HMCN2: variants seen among roughly 807,000 people sequenced by gnomAD.
HMCN2 encodes the protein hemicentin-2.
In HMCN2, 325 loss-of-function variants were observed where a neutral mutation model predicts 377.5. The observed-to-expected ratio is 0.86, with a 90% CI of 0.79 to 0.94. The LOEUF is 0.94. HMCN2 is among the 40% of genes least tolerant of loss of function. The pLI is 0.00. For synonymous variants in HMCN2, 2,007 were observed against 2,046.8 expected (o/e 0.98, Z 0.53); for missense variants, 4,543 against 4,725.3 (o/e 0.96, Z 1.13).
At chr9:130,407,177 G>A (rs895193012) in intron 82 of HMCN2, 9 of 164,142 alleles carry the variant, frequency 5.5e-5, no homozygotes, top group Non-Finnish European at 9.3e-5. Flanking sequence ...TTGAACCTGG[G>A]AGGTGGAGGT....
intron 22 of HMCN2, among the ~76,000 whole-genome samples, chr9:130,330,090 T>C (rs879088531): frequency 0.47 from 70,325 of 150,526 alleles, 17,780 homozygotes; most frequent in African/African-American, 0.68. Flanking sequence ...TCTCCAAGGA[T>C]GTCCCCAGGC....
At chr9:130,297,405 AGC>A (rs1836230777) in intron 7 of HMCN2, among the ~76,000 whole-genome samples, 1 of 152,238 alleles carries the variant, frequency 6.6e-6, no homozygotes, top group African/African-American at 2.4e-5. Flanking sequence ...TGCTGGGAGA[AGC>A]CTGGGCACCG....
At chr9:130,387,777 T>G (rs545323351) in intron 61 of HMCN2, among the ~76,000 whole-genome samples, 1 of 152,086 alleles carries the variant, frequency 6.6e-6, no homozygotes, top group African/African-American at 2.4e-5. Context: ...AACACAATCG[T>G]TGAAAAGGAC....
intron 62 of HMCN2, among the ~76,000 whole-genome samples, chr9:130,388,992 C>G (rs1013398618): frequency 6.6e-6 from 1 of 152,210 alleles, no homozygotes; most frequent in Non-Finnish European, 1.5e-5. Context: ...CTGTGCCCAC[C>G]GTTCCTCCGC....
Position 130,360,367 on chromosome 9 carries a change from T to C in HMCN2, c.5774-61T>C. ...TCTCTTCCTTTCCCCCTTACTTCTC[T>C]CTTCCATTCCCCCTTGCTTCTCTCT... On this transcript the variant is annotated intron_variant, in intron 37 of 97. Coordinates refer to ENST00000683500, the MANE Select transcript of HMCN2 (RefSeq NM_001291815.2). The surrounding 1 kb of genome is among the most constrained non-coding windows in gnomAD (Gnocchi z 4.7). 1 of 1,001,220 alleles carries C rather than the reference T, an allele frequency of 1.0e-6. No homozygotes were observed. 62.0% of individuals were successfully genotyped at this position (1,001,220 alleles called of 1,614,324 possible).
chr9:130,339,241 C>T (rs1039870819), intron 23 of HMCN2, among the ~76,000 whole-genome samples: 7 of 152,212 alleles, frequency 4.6e-5, no homozygotes, highest in Admixed American at 3.3e-4. Context: ...TATTGGAACA[C>T]GCCCACGCAT....
chr9:130,301,182 G>C (rs4836700), intron 8 of HMCN2, among the ~76,000 whole-genome samples: 35,651 of 152,146 alleles, frequency 0.23, 4,996 homozygotes, highest in East Asian at 0.47. Context: ...AGGAGAGCTG[G>C]AGACCTCTTC....
chr9:130,430,616 C>A lies in HMCN2; in HGVS notation c.14647+12C>A, dbSNP rs1404900423. ...CGGAGTCTGCACAGGTAAGGCCAGG[C>A]CCTGACCATCCACGGGACACTGCCG... On this transcript the variant is annotated intron_variant, in intron 95 of 97. Transcript: ENST00000683500. The A allele has an allele frequency of 1.5e-5, 23 of 1,538,494 alleles. No homozygotes were observed. Among genetic ancestry groups the A allele is most frequent in the Non-Finnish European group, 2.0e-5 (23 of 1,138,672 alleles).
intron 19 of HMCN2, among the ~76,000 whole-genome samples, chr9:130,324,867 C>T (rs1272438208): frequency 3.3e-5 from 5 of 152,150 alleles, no homozygotes; most frequent in South Asian, 4.2e-4. Flanking sequence ...TCTGGTGATC[C>T]GCCCACCTTG....
rs1312927540 is a variant in HMCN2, at chr9:130,357,816, G to C, written c.5426-18G>C. 7.7e-7 allele frequency: 1 copy of C among 1,298,958 alleles called. No homozygotes were observed. Among genetic ancestry groups the C allele is most frequent in the East Asian group, 5.6e-5 (1 of 17,898 alleles). The allele number at this position is 1,298,958 out of a possible 1,614,324, so 80.5% of individuals were successfully genotyped here. A position where few individuals can be genotyped will look rare whatever the true frequency, so the allele number is the denominator to read the frequency against. ...CCTGATTCTGACTCGGGCTCTTCCT[G>C]ACTCTTTCCCTTCCCAGAGTTCCCA... On this transcript the variant is annotated intron_variant, in intron 34 of 97. Transcript: ENST00000683500.
At position 130,403,262 on chromosome 9, in the gene HMCN2, T is replaced by C. The variant is rs1294433514; in HGVS notation, c.11947T>C (p.Cys3983Arg). 2 of 1,289,782 alleles carry C rather than the reference T, an allele frequency of 1.6e-6. No individual in the cohort carries two copies. The highest frequency in any genetic ancestry group is 1.5e-5 in the African/African-American group (1 of 65,976). 79.9% of individuals were successfully genotyped at this position (1,289,782 alleles called of 1,614,324 possible). ...AVAEEEVLLPCEASGIPRPTI... is the reference protein window; with the variant it reads ...AVAEEEVLLPREASGIPRPTI... ...GGCAGAGGAGGAGGTGCTGCTGCCCTGCGAGGCCTCAGGCATCCCCCGGCC... is the reference window on the plus strand; with the variant it reads ...GGCAGAGGAGGAGGTGCTGCTGCCCCGCGAGGCCTCAGGCATCCCCCGGCC... Residue 3983 changes from cysteine to arginine, a missense_variant, in exon 79 of 98, where the codon TGC (cysteine) becomes CGC (arginine). Around this residue, in one of 5 missense-constraint regions of HMCN2, gnomAD observed 1,073 missense variants for 1,319.5 expected, o/e 0.81. Coordinates refer to ENST00000683500, the MANE Select transcript of HMCN2 (RefSeq NM_001291815.2).
Position 130,394,881 on chromosome 9 carries a change from G to T in HMCN2, c.10693-146G>T. On this transcript the variant is annotated intron_variant, in intron 69 of 97. Coordinates refer to ENST00000683500, the MANE Select transcript of HMCN2 (RefSeq NM_001291815.2). The surrounding 1 kb of genome is among the most constrained non-coding windows in gnomAD (Gnocchi z 5.1). The stretch of plus-strand genomic sequence containing the variant: ...CTAAAGCAACAGTGAGATGGAGGGA[G>T]AGGGCGTGGGTTGGCTGGGAGGTGG... 9.4e-6 allele frequency: 4 copies of T among 427,048 alleles called. No homozygotes were observed. The highest frequency in any genetic ancestry group is 1.7e-5 in the Non-Finnish European group (4 of 240,660). 26.5% of individuals were successfully genotyped at this position (427,048 alleles called of 1,614,324 possible).
At chr9:130,273,862 G>A (rs1246389053) in intron 1 of HMCN2, among the ~76,000 whole-genome samples, 1 of 152,006 alleles carries the variant, frequency 6.6e-6, no homozygotes, top group African/African-American at 2.4e-5. Flanking sequence ...TTGAGTTTTT[G>A]TCATCAAGTG....
Position 130,404,999 on chromosome 9 carries a change from G to A in HMCN2, c.12279G>A (p.Ser4093=), listed in dbSNP as rs796590604. Residue 4093 remains serine (S), a synonymous_variant, in exon 81 of 98, where the codon TCG becomes TCA. Transcript: ENST00000683500. ...GGGACAAAGATGGCCAGCCTGTGTC[G>A]GGCGCCGAGGGGAAGTTCACCATCC... The part of the protein sequence containing the change: ...ITWDKDGQPV[S]GAEGKFTIQP... 20 of 1,289,712 alleles carry A rather than the reference G, an allele frequency of 1.6e-5. No individual in the cohort carries two copies. Among genetic ancestry groups the A allele is most frequent in the South Asian group, 8.6e-5 (7 of 80,934 alleles). The allele number at this position is 1,289,712 out of a possible 1,614,324, so 79.9% of individuals were successfully genotyped here.
intron 15 of HMCN2, among the ~76,000 whole-genome samples, chr9:130,316,212 A>G (rs1168756008): frequency 6.6e-6 from 1 of 152,158 alleles, no homozygotes; most frequent in Non-Finnish European, 1.5e-5. Context: ...GGAGTGCGAC[A>G]AAGGAAGCAG....
At chr9:130,287,020 C>A (rs929152883) in intron 4 of HMCN2, among the ~76,000 whole-genome samples, 2 of 152,176 alleles carry the variant, frequency 1.3e-5, no homozygotes, top group African/African-American at 4.8e-5. Flanking sequence ...TGATGAACAA[C>A]GCTCTCTCTG....
intron 23 of HMCN2, among the ~76,000 whole-genome samples, chr9:130,340,748 C>A (rs907715500): frequency 3.3e-5 from 5 of 152,214 alleles, no homozygotes; most frequent in Non-Finnish European, 5.9e-5. Context: ...AAACGCCTGA[C>A]ATCAGGCAAT....
chr9:130,388,612 CGAAG>C (rs1431549548), intron 62 of HMCN2, 72 bp downstream of exon 62: 1 of 968,290 alleles, frequency 1.0e-6, no homozygotes, highest in Non-Finnish European at 1.2e-6. Context: ...CAGAAGCGGA[CGAAG>C]GAAGTTATTG....
At chr9:130,320,104 C>G (rs1299301600) in intron 16 of HMCN2, among the ~76,000 whole-genome samples, 1 of 152,212 alleles carries the variant, frequency 6.6e-6, no homozygotes, top group Non-Finnish European at 1.5e-5. Flanking sequence ...CAACCCTGCC[C>G]CATCACACTA....
Sources: gnomAD v4.1 joint callset for allele counts (sites outside exome capture counted in the v4.1 genomes callset) on GRCh38, gnomAD v4.1.1 for gene constraint, gnomAD v4.1.1 regional missense constraint, Gnocchi (gnomAD v3.1) non-coding constraint, MANE v1.5 for transcripts, NCBI Gene and HGNC (gene_info 2026-07-23, HGNC 2026-07-21) for gene names.